ATRX: variants seen among roughly 807,000 people sequenced by gnomAD.
ATRX encodes ATRX chromatin remodeler.
A neutral mutation model predicts 172.6 loss-of-function variants in ATRX; 12 were observed. That is an observed-to-expected ratio of 0.07 (90% CI 0.04 to 0.11). ATRX has a LOEUF of 0.11. ATRX is among the 10% of genes least tolerant of loss of function. The pLI, the probability that ATRX is intolerant of heterozygous loss-of-function variation, is 1.00. For synonymous variants in ATRX, 674 were observed against 594.7 expected, an observed-to-expected ratio of 1.13 and a Z score of -1.94; for missense variants, 1,368 against 1,767.4, an observed-to-expected ratio of 0.77 and a Z score of 4.05.
intron 1 of ATRX, among the ~76,000 whole-genome samples, chrX:77,779,234 C>T (rs1466551472): frequency 9.3e-5 from 10 of 107,413 alleles, no homozygotes; most frequent in Non-Finnish European, 1.3e-4. Context: ...TGAGCCACGG[C>T]GCCCGGCTCA....
At chrX:77,634,727 T>C in intron 16 of ATRX, 24 bp from the exon 17 acceptor site, 1 of 1,163,613 alleles carries the variant, frequency 8.6e-7, no homozygotes, top group Non-Finnish European at 1.2e-6. Flanking sequence ...CTTCATTAAG[T>C]TAAATTTAAA....
intron 22 of ATRX, among the ~76,000 whole-genome samples, chrX:77,608,274 C>G (rs2148200816): frequency 9.5e-6 from 1 of 105,159 alleles, no homozygotes; most frequent in African/African-American, 3.5e-5. Flanking sequence ...GAGGCTGAGG[C>G]AGAAGAATGG....
intron 28 of ATRX, among the ~76,000 whole-genome samples, chrX:77,566,034 C>T (rs971434832): frequency 2.7e-5 from 3 of 110,036 alleles, no homozygotes; most frequent in Non-Finnish European, 5.7e-5. Context: ...GGGACTATAA[C>T]AAAAGATTTA....
chrX:77,542,786 C>T (rs1281883136), intron 30 of ATRX, among the ~76,000 whole-genome samples: 1 of 111,668 alleles, frequency 9.0e-6, no homozygotes, highest in Non-Finnish European at 1.9e-5. Flanking sequence ...TGAAACTGGA[C>T]CCCTTCCTTA....
At chrX:77,658,399 A>G (rs1228969133) in intron 12 of ATRX, among the ~76,000 whole-genome samples, 5 of 112,112 alleles carry the variant, frequency 4.5e-5, no homozygotes, top group Non-Finnish European at 9.4e-5. Flanking sequence ...AAGGTCATCA[A>G]AGTAAAGACT....
At chrX:77,759,981 ATTTCC>A (rs1249988866) in intron 1 of ATRX, among the ~76,000 whole-genome samples, 4 of 111,256 alleles carry the variant, frequency 3.6e-5, no homozygotes, top group Admixed American at 9.6e-5. Flanking sequence ...ACCTTTGAGC[ATTTCC>A]TTTGAGAGTC....
intron 1 of ATRX, among the ~76,000 whole-genome samples, chrX:77,758,879 C>T (rs2075613773): frequency 8.9e-6 from 1 of 112,056 alleles, no homozygotes; most frequent in Non-Finnish European, 1.9e-5. Context: ...TCTTCTAAAA[C>T]ATCATTTTTA....
intron 12 of ATRX, among the ~76,000 whole-genome samples, chrX:77,661,125 T>C (rs1252524150): frequency 1.8e-5 from 2 of 112,300 alleles, no homozygotes; most frequent in African/African-American, 6.5e-5. Context: ...GAGATTGTGA[T>C]TCTTGGGTGT....
chrX:77,761,077 A>G (rs1364808565), intron 1 of ATRX, among the ~76,000 whole-genome samples: 1 of 111,988 alleles, frequency 8.9e-6, no homozygotes, highest in Non-Finnish European at 1.9e-5. Flanking sequence ...AATGTGGTGA[A>G]CAGCTTTTTG....
rs782096354 is a variant in ATRX, at chrX:77,543,218, A to G, written c.6699+14233T>C. On this transcript the variant is annotated intron_variant, in intron 30 of 34. Transcript: ENST00000373344. ...CAGACATGAAAAAATACTCATCATTACTGCTCATTAGAGAAATGCAAATCA... is the reference window on the plus strand; with the variant it reads ...CAGACATGAAAAAATACTCATCATTGCTGCTCATTAGAGAAATGCAAATCA... 5.3e-5 allele frequency among the ~76,000 whole-genome samples: 6 copies of G among 112,656 alleles called. No individual in the cohort carries two copies. In the South Asian group the frequency reaches 2.2e-3, roughly 41 times the overall value.
At chrX:77,550,451 T>C (rs890942357) in intron 30 of ATRX, among the ~76,000 whole-genome samples, 3 of 111,575 alleles carry the variant, frequency 2.7e-5, no homozygotes, top group Non-Finnish European at 5.6e-5. Context: ...AATTAGGTAT[T>C]GATGGGACGT....
At chrX:77,702,490 C>T (rs1228262998) in intron 2 of ATRX, among the ~76,000 whole-genome samples, 1 of 110,571 alleles carries the variant, frequency 9.0e-6, no homozygotes, top group African/African-American at 3.3e-5. Flanking sequence ...AAAATTAGTT[C>T]AGGAAGATTG....
intron 20 of ATRX, among the ~76,000 whole-genome samples, chrX:77,619,624 G>T (rs1332402812): frequency 1.8e-5 from 2 of 111,106 alleles, no homozygotes; most frequent in African/African-American, 6.5e-5. Flanking sequence ...TATAAATAGG[G>T]TAACAGAATA....
At chrX:77,675,864 AGAG>A (rs1471459372) in intron 10 of ATRX, 11 of 151,405 alleles carry the variant, frequency 7.3e-5, no homozygotes, top group Non-Finnish European at 1.4e-4. Flanking sequence ...AGTCAAATAT[AGAG>A]GAGATGTCTG....
At chrX:77,667,285 A>G (rs2070298221) in intron 10 of ATRX, among the ~76,000 whole-genome samples, 1 of 83,497 alleles carries the variant, frequency 1.2e-5, no homozygotes, top group Non-Finnish European at 2.3e-5. Context: ...GAATTTTGGG[A>G]CGAATAAATA....
chrX:77,509,688 AG>A (rs782563276), intron 34 of ATRX, among the ~76,000 whole-genome samples: 1 of 111,124 alleles, frequency 9.0e-6, no homozygotes, highest in East Asian at 2.8e-4. Context: ...CACAGTGAAA[AG>A]AAACACCAGG....
chrX:77,511,952 T>C (rs1004304116), intron 34 of ATRX, among the ~76,000 whole-genome samples: 8 of 111,400 alleles, frequency 7.2e-5, no homozygotes, highest in Non-Finnish European at 1.3e-4. Flanking sequence ...GAGAAAACTA[T>C]CAATATTCAA....
At chrX:77,692,179 A>C (rs1358769965) in intron 6 of ATRX, among the ~76,000 whole-genome samples, 1 of 111,913 alleles carries the variant, frequency 8.9e-6, no homozygotes, top group Non-Finnish European at 1.9e-5. Flanking sequence ...AAGTGTACAC[A>C]ATGCAGAACA....
At chrX:77,696,003 T>G (rs1258763809) in intron 5 of ATRX, among the ~76,000 whole-genome samples, 13 of 112,180 alleles carry the variant, frequency 1.2e-4, no homozygotes, top group African/African-American at 4.2e-4. Flanking sequence ...AAGATATTCA[T>G]TTGGCTATTG....
Sources: allele counts gnomAD v4.1 joint callset (sites outside exome capture counted in the v4.1 genomes callset), GRCh38; gene constraint gnomAD v4.1.1; transcripts MANE v1.5; gene names NCBI Gene and HGNC (gene_info 2026-07-23, HGNC 2026-07-21).